EZH2: variants seen among roughly 807,000 people sequenced by gnomAD.
EZH2 encodes histone-lysine N-methyltransferase EZH2.
In EZH2, 18 loss-of-function variants were observed where a neutral mutation model predicts 98.4. That is an observed-to-expected ratio of 0.18 (90% CI 0.13 to 0.27). The LOEUF (loss-of-function observed/expected upper bound fraction) is 0.27. Among genes scored for constraint, EZH2 ranks in the 10% least tolerant of loss-of-function variants. The pLI, the probability that EZH2 is intolerant of heterozygous loss-of-function variation, is 1.00. For synonymous variants in EZH2, 338 were observed against 312.3 expected, an observed-to-expected ratio of 1.08 and a Z score of -0.87; for missense variants, 470 against 935.1, an observed-to-expected ratio of 0.50 and a Z score of 6.49.
rs2129477059 is a variant in EZH2, at chr7:148,829,870, A to C, written c.364-22T>G. 2.0e-6 allele frequency: 3 copies of C among 1,520,878 alleles called. No homozygotes were observed. In the East Asian group the frequency reaches 6.9e-5, roughly 35 times the overall value. The allele number at this position is 1,520,878 out of a possible 1,614,324, so 94.2% of individuals were successfully genotyped here. On this transcript the variant is annotated intron_variant, in intron 4 of 19. Transcript: ENST00000320356. ...CCACCTAAAAGAAAAAAATATATTTAAAAAGCAGGTTTACTCTAAGTATCA... is the reference window on the plus strand; with the variant it reads ...CCACCTAAAAGAAAAAAATATATTTCAAAAGCAGGTTTACTCTAAGTATCA...
At chr7:148,844,865 T>C (rs916185333) in intron 3 of EZH2, among the ~76,000 whole-genome samples, 1 of 152,152 alleles carries the variant, frequency 6.6e-6, no homozygotes, top group Admixed American at 6.5e-5. Flanking sequence ...ACTTCATGTG[T>C]CTGAGCAAAG....
At chr7:148,815,122 C>T (rs1257451617) in intron 13 of EZH2, 83 bp from the exon 14 acceptor site, 51 of 1,506,446 alleles carry the variant, frequency 3.4e-5, no homozygotes, top group Non-Finnish European at 4.2e-5. Flanking sequence ...TACATTCTTC[C>T]CTACTACCTG....
intron 3 of EZH2, among the ~76,000 whole-genome samples, chr7:148,835,747 T>C (rs566025778): frequency 2.0e-5 from 3 of 152,318 alleles, no homozygotes; most frequent in African/African-American, 7.2e-5. Flanking sequence ...GGGAGTGGGC[T>C]GCCTCTCCGA....
chr7:148,852,652 G>A (rs1448328609), intron 1 of EZH2, among the ~76,000 whole-genome samples: 2 of 152,232 alleles, frequency 1.3e-5, no homozygotes, highest in African/African-American at 4.8e-5. Flanking sequence ...AGCCATCTTG[G>A]AGAAGAGCCT....
chr7:148,812,204 T>TC (rs1803276861), intron 15 of EZH2, among the ~76,000 whole-genome samples: 1 of 152,148 alleles, frequency 6.6e-6, no homozygotes, highest in Non-Finnish European at 1.5e-5. Flanking sequence ...TGGCGTTGGT[T>TC]CCCTCTGAAG....
chr7:148,858,291 CA>C (rs71529642), intron 1 of EZH2, among the ~76,000 whole-genome samples: 3 of 144,714 alleles, frequency 2.1e-5, no homozygotes, highest in East Asian at 2.0e-4. Context: ...GACTCTGTCT[CA>C]AAAAAAAAAC....
At chr7:148,829,114 T>C (rs998780312) in intron 5 of EZH2, among the ~76,000 whole-genome samples, 1 of 152,156 alleles carries the variant, frequency 6.6e-6, no homozygotes, top group African/African-American at 2.4e-5. Context: ...CCCAAAACTT[T>C]CTAGTAGAAA....
chr7:148,819,549 A>G (rs376010509), intron 9 of EZH2, 47 bp downstream of exon 9: 3 of 1,515,772 alleles, frequency 2.0e-6, no homozygotes, highest in African/African-American at 2.7e-5. Flanking sequence ...ACCAAAGTGC[A>G]AAGTCCTCTC....
At chr7:148,809,016 C>CA in intron 19 of EZH2, 55 bp downstream of exon 19, 1 of 1,446,280 alleles carries the variant, frequency 6.9e-7, no homozygotes, top group East Asian at 2.3e-5. Context: ...GTCCAGAGTT[C>CA]ACAATCCAGT....
At chr7:148,872,549 A>C (rs547091338) in intron 1 of EZH2, among the ~76,000 whole-genome samples, 1 of 152,366 alleles carries the variant, frequency 6.6e-6, no homozygotes, top group South Asian at 2.1e-4. Flanking sequence ...TATTAGGTAC[A>C]GGTTAGGTTC....
At chr7:148,847,060 A>G in intron 2 of EZH2, 122 bp downstream of exon 2, 1 of 1,134,806 alleles carries the variant, frequency 8.8e-7, no homozygotes, top group Non-Finnish European at 1.2e-6. Flanking sequence ...CCAAGTATTC[A>G]CTCATCTTAT....
intron 1 of EZH2, among the ~76,000 whole-genome samples, chr7:148,866,545 C>CAT (rs777063760): frequency 2.0e-5 from 2 of 97,784 alleles, no homozygotes; most frequent in African/African-American, 4.4e-5. Flanking sequence ...TACGTATATA[C>CAT]ATATATATAC....
chr7:148,817,096 A>C, intron 11 of EZH2, 126 bp downstream of exon 11: 1 of 920,760 alleles, frequency 1.1e-6, no homozygotes, highest in Non-Finnish European at 1.5e-6. Flanking sequence ...GGAAGAAAAA[A>C]AAATTATTTT....
chr7:148,863,037 T>C lies in EZH2; in HGVS notation c.-7-15732A>G, dbSNP rs1293824893. Among the ~76,000 whole-genome samples the C allele has an allele frequency of 2.7e-5, 4 of 148,174 alleles. No homozygotes were observed. The East Asian group carries it at 7.8e-4, about 29-fold the overall frequency. On this transcript the variant is annotated intron_variant, in intron 1 of 19. Coordinates refer to ENST00000320356, the MANE Select transcript of EZH2 (RefSeq NM_004456.5). The stretch of plus-strand genomic sequence containing the variant: ...AGGCAGAGGTTGCAGTGGGCCAAGA[T>C]GTCGCCACTGCACTCCAGCCTGGAT...
At chr7:148,871,388 T>G (rs372537248) in intron 1 of EZH2, among the ~76,000 whole-genome samples, 1 of 24,862 alleles carries the variant, frequency 4.0e-5, no homozygotes, top group Non-Finnish European at 1.0e-4. Context: ...TTCCAAAAAA[T>G]AAAAGACGAA....
chr7:148,828,813 A>G lies in EZH2; in HGVS notation c.552T>C (p.Asp184=), dbSNP rs773610876. The change falls in exon 6 of 20, where the codon GAT becomes GAC. Residue 184 remains aspartate (D), a synonymous_variant. Transcript: ENST00000320356. ...GATCGTCTCCATCATCATCATCGTC[A>G]TCATCATTATATTGACCAAGGGCAT... ...LVNALGQYND[D]DDDDDGDDPE... 7 of 1,613,386 alleles carry G rather than the reference A, an allele frequency of 4.3e-6. No individual in the cohort carries two copies. The highest frequency in any genetic ancestry group is 5.9e-6 in the Non-Finnish European group (7 of 1,179,488).
At chr7:148,814,597 GCTC>G (rs1159698779) in intron 14 of EZH2, among the ~76,000 whole-genome samples, 1 of 152,160 alleles carries the variant, frequency 6.6e-6, no homozygotes, top group Non-Finnish European at 1.5e-5. Flanking sequence ...TATTTGGGTA[GCTC>G]CTTCTAGATT....
intron 11 of EZH2, 141 bp from the exon 12 acceptor site, chr7:148,816,919 C>G (rs1434156813): frequency 4.6e-6 from 3 of 653,284 alleles, no homozygotes; most frequent in Non-Finnish European, 5.4e-6. Flanking sequence ...ATCGCTGTCC[C>G]TACCCTCACA....
At chr7:148,843,789 G>T (rs1451092050) in intron 3 of EZH2, among the ~76,000 whole-genome samples, 1 of 151,476 alleles carries the variant, frequency 6.6e-6, no homozygotes, top group African/African-American at 2.4e-5. Context: ...TAGAGACGGG[G>T]TTTCACCTTG....
Sources: allele counts gnomAD v4.1 joint callset (sites outside exome capture counted in the v4.1 genomes callset), GRCh38; gene constraint gnomAD v4.1.1; transcripts MANE v1.5; gene names NCBI Gene and HGNC (gene_info 2026-07-23, HGNC 2026-07-21).